JAKMIP2: variants seen among roughly 807,000 people sequenced by gnomAD.
The protein encoded by JAKMIP2 is janus kinase and microtubule-interacting protein 2.
JAKMIP2 carries 25 observed loss-of-function variants against 115.0 expected under a neutral mutation model. That is an observed-to-expected ratio of 0.22 (90% CI 0.16 to 0.30). The LOEUF (loss-of-function observed/expected upper bound fraction) is 0.30, where lower values mean the gene tolerates loss of function less well. Among genes scored for constraint, JAKMIP2 ranks in the 10% least tolerant of loss-of-function variants. The pLI is 1.00. For synonymous variants in JAKMIP2, 334 were observed against 343.6 expected, an observed-to-expected ratio of 0.97 and a Z score of 0.31; for missense variants, 642 against 957.6, an observed-to-expected ratio of 0.67 and a Z score of 4.35.
At chr5:147,772,100 G>A (rs1479461214) in intron 1 of JAKMIP2, among the ~76,000 whole-genome samples, 1 of 151,948 alleles carries the variant, frequency 6.6e-6, no homozygotes, top group Non-Finnish European at 1.5e-5. Context: ...CTTTATTCTT[G>A]TGAGAATGTG....
intron 16 of JAKMIP2, among the ~76,000 whole-genome samples, chr5:147,625,327 C>T (rs1431764905): frequency 6.6e-6 from 1 of 152,148 alleles, no homozygotes; most frequent in Admixed American, 6.5e-5. Context: ...TGCAGCACAG[C>T]GAGACTTTTA....
At chr5:147,683,482 A>G (rs529631588) in intron 1 of JAKMIP2, among the ~76,000 whole-genome samples, 8 of 152,138 alleles carry the variant, frequency 5.3e-5, no homozygotes, top group Non-Finnish European at 1.0e-4. Flanking sequence ...ACAGAGCAAG[A>G]CTCTGTCTTA....
intron 2 of JAKMIP2, among the ~76,000 whole-genome samples, chr5:147,670,802 C>G (rs1759540778): frequency 6.6e-6 from 1 of 152,112 alleles, no homozygotes; most frequent in Admixed American, 6.6e-5. Flanking sequence ...AATTATTCCT[C>G]TATTCATTCA....
At chr5:147,641,585 C>A (rs1757881364) in intron 8 of JAKMIP2, 123 bp downstream of exon 8, 1 of 636,672 alleles carries the variant, frequency 1.6e-6, no homozygotes. Context: ...AAATAATGCC[C>A]ATGGTTTGCT....
Position 147,723,228 on chromosome 5 carries a change from C to T in JAKMIP2, c.-148-51274G>A, listed in dbSNP as rs144064424. On this transcript the variant is annotated intron_variant, in intron 1 of 21. Transcript: ENST00000616793. ...TCAGATACAAAAAAATCTAGATATA[C>T]GTATATTTTTGTAAATAGGTTGATT... Among the ~76,000 whole-genome samples the T allele has an allele frequency of 4.4e-3, 673 of 152,130 alleles. 11 individuals are homozygous for T. The highest frequency in any genetic ancestry group is 0.015 in the African/African-American group (637 of 41,536).
chr5:147,762,453 G>A (rs1272117317), intron 1 of JAKMIP2, among the ~76,000 whole-genome samples: 1 of 151,952 alleles, frequency 6.6e-6, no homozygotes, highest in East Asian at 1.9e-4. Context: ...CAGTTCTAGG[G>A]GCTTGAAGTG....
intron 1 of JAKMIP2, among the ~76,000 whole-genome samples, chr5:147,753,994 C>G (rs1418319706): frequency 2.0e-5 from 3 of 152,098 alleles, no homozygotes; most frequent in African/African-American, 7.2e-5. Context: ...TGCAACTACA[C>G]TGACATCACT....
chr5:147,610,643 G>C (rs1439285743), intron 20 of JAKMIP2, among the ~76,000 whole-genome samples: 1 of 152,226 alleles, frequency 6.6e-6, no homozygotes, highest in South Asian at 2.1e-4. Context: ...GTATCTCCCA[G>C]TCAGGAGGCA....
intron 2 of JAKMIP2, among the ~76,000 whole-genome samples, chr5:147,668,945 C>G (rs1411161543): frequency 2.0e-5 from 3 of 152,142 alleles, no homozygotes; most frequent in African/African-American, 7.2e-5. Context: ...AAATTTGGCT[C>G]TATACACAAT....
At chr5:147,691,789 T>C (rs1034163734) in intron 1 of JAKMIP2, among the ~76,000 whole-genome samples, 2 of 152,150 alleles carry the variant, frequency 1.3e-5, no homozygotes, top group African/African-American at 4.8e-5. Flanking sequence ...TGTCCACGCC[T>C]CATGGGAGGG....
At chr5:147,633,210 T>C (rs924413761) in intron 12 of JAKMIP2, among the ~76,000 whole-genome samples, 1 of 152,208 alleles carries the variant, frequency 6.6e-6, no homozygotes, top group African/African-American at 2.4e-5. Flanking sequence ...TGAATTTCAA[T>C]TACTACAGAA....
At chr5:147,723,027 TTAACCACG>T (rs200020607) in intron 1 of JAKMIP2, among the ~76,000 whole-genome samples, 18,345 of 152,112 alleles carry the variant, frequency 0.12, 1,190 homozygotes, top group Middle Eastern at 0.18. Context: ...TTCAAAAAAT[TTAACCACG>T]CATCATCAAC....
At chr5:147,648,116 G>A (rs1758216153) in intron 5 of JAKMIP2, among the ~76,000 whole-genome samples, 2 of 152,142 alleles carry the variant, frequency 1.3e-5, no homozygotes, top group African/African-American at 4.8e-5. Flanking sequence ...TATGGCGATT[G>A]AAGTCAGAAT....
chr5:147,778,207 A>C (rs1017334634), intron 1 of JAKMIP2, among the ~76,000 whole-genome samples: 10 of 152,136 alleles, frequency 6.6e-5, no homozygotes, highest in African/African-American at 2.4e-4. Context: ...TTTCACCCAA[A>C]CAAATGCTTC....
chr5:147,612,396 A>T (rs747383860), intron 19 of JAKMIP2, 25 bp from the exon 20 acceptor site: 20 of 1,416,674 alleles, frequency 1.4e-5, no homozygotes, highest in Non-Finnish European at 1.9e-5. Flanking sequence ...GAAAAGAAAG[A>T]AAGCATCAGT....
chr5:147,655,782 T>C (rs1325692623), intron 3 of JAKMIP2, among the ~76,000 whole-genome samples: 1 of 152,152 alleles, frequency 6.6e-6, no homozygotes, highest in Non-Finnish European at 1.5e-5. Flanking sequence ...TTAATTGTGA[T>C]GTTAGGGTGT....
At chr5:147,641,599 A>G (rs1010540648) in intron 8 of JAKMIP2, 109 bp downstream of exon 8, 1 of 707,976 alleles carries the variant, frequency 1.4e-6, no homozygotes. Context: ...GTTTGCTGCA[A>G]CAGTTCTGGA....
chr5:147,700,453 C>T (rs763646324), intron 1 of JAKMIP2, among the ~76,000 whole-genome samples: 3 of 151,982 alleles, frequency 2.0e-5, no homozygotes, highest in African/African-American at 4.8e-5. Context: ...TATATATACA[C>T]GGTTAAGATA....
chr5:147,677,744 ATG>A (rs1447636439), intron 1 of JAKMIP2, among the ~76,000 whole-genome samples: 1 of 152,226 alleles, frequency 6.6e-6, no homozygotes, highest in Non-Finnish European at 1.5e-5. Flanking sequence ...GTACAATATG[ATG>A]TTTTGAAATA....
Sources: gnomAD v4.1 joint callset for allele counts (sites outside exome capture counted in the v4.1 genomes callset) on GRCh38, gnomAD v4.1.1 for gene constraint, MANE v1.5 for transcripts, NCBI Gene and HGNC (gene_info 2026-07-23, HGNC 2026-07-21) for gene names.